The following GPBP1L1 variants were observed in gnomAD, a reference collection of about 807,000 sequenced individuals.
GPBP1L1 encodes the protein vasculin-like protein 1.
GPBP1L1 carries 23 observed loss-of-function variants against 52.5 expected under a neutral mutation model. That is an observed-to-expected ratio of 0.44 (90% CI 0.32 to 0.62). The LOEUF (loss-of-function observed/expected upper bound fraction) is 0.62, where lower values mean the gene tolerates loss of function less well. GPBP1L1 is among the 20% of genes least tolerant of loss of function. GPBP1L1 has a pLI of 0.06. For synonymous variants in GPBP1L1, 243 were observed against 203.1 expected (o/e 1.20, Z -1.67); for missense variants, 596 against 579.3 (o/e 1.03, Z -0.30).
chr1:45,651,440 TG>T, intron 6 of GPBP1L1: 1 of 422,906 alleles, frequency 2.4e-6, no homozygotes, highest in Non-Finnish European at 4.4e-6. Flanking sequence ...GGTCTCTTAC[TG>T]GGGACATCCC....
At chr1:45,664,523 C>T (rs559643733) in intron 2 of GPBP1L1, among the ~76,000 whole-genome samples, 2 of 152,156 alleles carry the variant, frequency 1.3e-5, no homozygotes, top group African/African-American at 2.4e-5. Context: ...CGGAGATGGG[C>T]CACTGCACTC....
upstream of GPBP1L1, chr1:45,687,159 G>A (rs1557729441): frequency 1.3e-5 from 2 of 152,268 alleles, no homozygotes; most frequent in African/African-American, 4.8e-5. Context: ...GCTACCCGCT[G>A]GGAGTAGTAG....
At chr1:45,635,326 T>A (rs1017738250) in intron 8 of GPBP1L1, 1 of 152,038 alleles carries the variant, frequency 6.6e-6, no homozygotes, top group Admixed American at 6.6e-5. Context: ...CCAACCAGAA[T>A]GAAGATTAAT....
At chr1:45,672,699 T>C (rs1167397704) in intron 2 of GPBP1L1, among the ~76,000 whole-genome samples, 1 of 152,084 alleles carries the variant, frequency 6.6e-6, no homozygotes, top group East Asian at 1.9e-4. Context: ...TAAAAAGAGA[T>C]GGAACCTTGA....
chr1:45,657,756 G>A (rs985593386), intron 4 of GPBP1L1, among the ~76,000 whole-genome samples: 1 of 152,266 alleles, frequency 6.6e-6, no homozygotes, highest in East Asian at 1.9e-4. Flanking sequence ...TAGAGACTAG[G>A]GCGAGAGGAT....
chr1:45,637,787 G>A (rs1644615316), intron 8 of GPBP1L1, among the ~76,000 whole-genome samples: 1 of 152,110 alleles, frequency 6.6e-6, no homozygotes, highest in Non-Finnish European at 1.5e-5. Context: ...AACATAAGTT[G>A]TGCTGGCAGG....
chr1:45,668,000 G>C (rs1158256637), intron 2 of GPBP1L1, among the ~76,000 whole-genome samples: 1 of 152,118 alleles, frequency 6.6e-6, no homozygotes, highest in Non-Finnish European at 1.5e-5. Flanking sequence ...TGGCCTCCAA[G>C]AGTGCTGGGA....
chr1:45,682,879 G>A (rs1279973906), intron 2 of GPBP1L1, among the ~76,000 whole-genome samples: 3 of 152,154 alleles, frequency 2.0e-5, no homozygotes, highest in Non-Finnish European at 4.4e-5. Flanking sequence ...GCAGATTTCA[G>A]TGGGAAATAG....
At chr1:45,662,274 T>C (rs996976343) in intron 2 of GPBP1L1, among the ~76,000 whole-genome samples, 1 of 152,086 alleles carries the variant, frequency 6.6e-6, no homozygotes, top group Non-Finnish European at 1.5e-5. Context: ...ACAAAAACCA[T>C]GGGACTACAG....
At chr1:45,651,538 CT>C in intron 6 of GPBP1L1, 7 of 541,056 alleles carry the variant, frequency 1.3e-5, no homozygotes, top group South Asian at 1.2e-4. Flanking sequence ...TGTGGGCCAG[CT>C]TAAGTAGCTG....
At chr1:45,668,080 T>C (rs1645031376) in intron 2 of GPBP1L1, among the ~76,000 whole-genome samples, 1 of 152,176 alleles carries the variant, frequency 6.6e-6, no homozygotes, top group East Asian at 1.9e-4. Flanking sequence ...ACCCTTATTG[T>C]CTTTATTTCC....
intron 11 of GPBP1L1, 84 bp downstream of exon 11, chr1:45,630,398 T>C: frequency 7.4e-6 from 11 of 1,485,522 alleles, no homozygotes; most frequent in Non-Finnish European, 1.0e-5. Context: ...ATGTGGGACC[T>C]ATCTATCTGA....
intron 2 of GPBP1L1, among the ~76,000 whole-genome samples, chr1:45,670,519 G>A (rs1199492048): frequency 6.6e-6 from 1 of 151,360 alleles, no homozygotes; most frequent in Non-Finnish European, 1.5e-5. Flanking sequence ...TCTTCTCCAA[G>A]GTCCAAACAA....
intron 2 of GPBP1L1, among the ~76,000 whole-genome samples, chr1:45,662,604 T>C (rs967094090): frequency 5.9e-5 from 9 of 152,130 alleles, no homozygotes; most frequent in Admixed American, 2.0e-4. Context: ...AAATATCAAA[T>C]TCAGGATAGT....
At chr1:45,655,062 C>T (rs1307496932) in intron 5 of GPBP1L1, 128 bp downstream of exon 5, 3 of 1,223,436 alleles carry the variant, frequency 2.5e-6, no homozygotes, top group South Asian at 1.3e-5. Flanking sequence ...GTAATGACTA[C>T]TAGAGAATCT....
chr1:45,670,893 C>T (rs61790003), intron 2 of GPBP1L1, among the ~76,000 whole-genome samples: 2,927 of 147,410 alleles, frequency 0.02, 37 homozygotes, highest in Middle Eastern at 0.036. Context: ...CCCAGGTTCA[C>T]GCCATTCTCC....
intron 6 of GPBP1L1, 123 bp downstream of exon 6, chr1:45,654,420 A>G (rs1644857355): frequency 4.9e-6 from 5 of 1,018,628 alleles, no homozygotes; most frequent in Non-Finnish European, 5.6e-6. Context: ...CTAAAACAAT[A>G]AAAACCTCAA....
At chr1:45,630,458 C>T (rs1644515574) in intron 11 of GPBP1L1, 24 bp downstream of exon 11, 2 of 1,612,366 alleles carry the variant, frequency 1.2e-6, no homozygotes, top group Non-Finnish European at 1.7e-6. Flanking sequence ...ACACTGCATG[C>T]CCTGTGATGT....
At position 45,646,194 on chromosome 1, in the gene GPBP1L1, C is replaced by T. The variant is rs942744756; in HGVS notation, c.478-3695G>A. ...GCAACAGGTAGGATGTTCACACACA[C>T]CATTGTGGCAGCGCGAAACAATGCC... On this transcript the variant is annotated intron_variant, in intron 6 of 12. Transcript: ENST00000355105. 15 of 299,494 alleles carry T rather than the reference C, an allele frequency of 5.0e-5. No homozygotes were observed. The East Asian group carries it at 1.1e-3, about 22-fold the overall frequency. The allele number at this position is 299,494 out of a possible 1,614,324, so 18.6% of individuals were successfully genotyped here. A position where few individuals can be genotyped will look rare whatever the true frequency, so the allele number is the denominator to read the frequency against.
Sources: gnomAD v4.1 joint callset for allele counts (sites outside exome capture counted in the v4.1 genomes callset) on GRCh38, gnomAD v4.1.1 for gene constraint, MANE v1.5 for transcripts, NCBI Gene and HGNC (gene_info 2026-07-23, HGNC 2026-07-21) for gene names.